Variants in DMD observed in about 807,000 individuals in gnomAD.
DMD encodes the protein mutant dystrophin.
A neutral mutation model predicts 330.1 loss-of-function variants in DMD; 63 were observed. The observed-to-expected ratio is 0.19, with a 90% CI of 0.16 to 0.24. DMD has a LOEUF of 0.24. Ranked by LOEUF, DMD falls within the 10% of genes least tolerant of loss-of-function variation. The probability of loss-of-function intolerance (pLI) is 1.00; values close to 1 mark genes in which losing one functional copy is unlikely to be tolerated. For synonymous variants in DMD, 1,223 were observed against 959.8 expected, an observed-to-expected ratio of 1.27 and a Z score of -5.07; for missense variants, 3,344 against 2,684.1, an observed-to-expected ratio of 1.25 and a Z score of -5.43.
Position 32,404,263 on chromosome X carries a change from C to T in DMD, c.4233+7489G>A, listed in dbSNP as rs191560941. On this transcript the variant is annotated intron_variant, in intron 30 of 78. Coordinates refer to ENST00000357033, the MANE Select transcript of DMD (RefSeq NM_004006.3). ...TCCCCTCTTTTCTAAATTGTACTCACATTGTTAATGGGAGGGAAAAAGAGA... is the reference window on the plus strand; with the variant it reads ...TCCCCTCTTTTCTAAATTGTACTCATATTGTTAATGGGAGGGAAAAAGAGA... Among the ~76,000 whole-genome samples, 3 of 111,713 alleles carry T rather than the reference C, an allele frequency of 2.7e-5. No individual in the cohort carries two copies. In the East Asian group the frequency reaches 8.4e-4, roughly 31 times the overall value.
At chrX:31,592,547 T>C (rs1280551013) in intron 55 of DMD, among the ~76,000 whole-genome samples, 1 of 108,681 alleles carries the variant, frequency 9.2e-6, no homozygotes, top group Admixed American at 1.0e-4. Flanking sequence ...CACAAAGACA[T>C]AATGGAATAA....
At chrX:31,298,003 G>C (rs1443372102) in intron 62 of DMD, among the ~76,000 whole-genome samples, 1 of 111,840 alleles carries the variant, frequency 8.9e-6, no homozygotes, top group Non-Finnish European at 1.9e-5. Context: ...ATGCATCCCT[G>C]ATTGAAAGCC....
At chrX:31,229,738 A>C (rs1448593042) in intron 63 of DMD, among the ~76,000 whole-genome samples, 2 of 111,971 alleles carry the variant, frequency 1.8e-5, no homozygotes, top group African/African-American at 6.5e-5. Flanking sequence ...TTTTCCCAAG[A>C]AGCCAAAACA....
chrX:32,821,578 A>G (rs1444998703), intron 5 of DMD, among the ~76,000 whole-genome samples: 1 of 108,918 alleles, frequency 9.2e-6, no homozygotes, highest in African/African-American at 3.4e-5. Flanking sequence ...ACAGAGCAAG[A>G]CTCTGTCTCA....
chrX:31,442,630 C>T (rs969385702), intron 60 of DMD, among the ~76,000 whole-genome samples: 1 of 111,148 alleles, frequency 9.0e-6, no homozygotes, highest in Non-Finnish European at 1.9e-5. Context: ...TCTTTTACCA[C>T]GTTCTGAAAG....
chrX:32,359,593 C>T (rs1321258585), intron 37 of DMD, among the ~76,000 whole-genome samples: 1 of 111,448 alleles, frequency 9.0e-6, no homozygotes, highest in Non-Finnish European at 1.9e-5. Context: ...CTAAAACCTC[C>T]AGCACTTCAG....
At chrX:31,667,727 C>G (rs1190390492) in intron 53 of DMD, among the ~76,000 whole-genome samples, 2 of 109,904 alleles carry the variant, frequency 1.8e-5, no homozygotes, top group African/African-American at 6.6e-5. Context: ...GCCAGGTACC[C>G]CAATGTGACT....
intron 44 of DMD, among the ~76,000 whole-genome samples, chrX:32,021,107 C>T (rs1278169716): frequency 1.8e-5 from 2 of 112,244 alleles, no homozygotes; most frequent in African/African-American, 6.5e-5. Context: ...AAAACATATA[C>T]AAGAACACAT....
At chrX:32,382,180 A>T (rs2097928788) in intron 33 of DMD, among the ~76,000 whole-genome samples, 2 of 111,638 alleles carry the variant, frequency 1.8e-5, no homozygotes, top group Admixed American at 1.9e-4. Flanking sequence ...TTACAGGTAA[A>T]TAAAACATGG....
chrX:32,022,610 A>G (rs2095814043), intron 44 of DMD, among the ~76,000 whole-genome samples: 1 of 112,049 alleles, frequency 8.9e-6, no homozygotes, highest in East Asian at 2.8e-4. Context: ...TTGACACTGG[A>G]AGAGAAACGT....
intron 51 of DMD, among the ~76,000 whole-genome samples, chrX:31,761,225 G>A (rs780041700): frequency 8.1e-5 from 9 of 110,455 alleles, no homozygotes; most frequent in African/African-American, 3.0e-4. Flanking sequence ...CCATTTTAAC[G>A]GCACAAAACA....
intron 2 of DMD, among the ~76,000 whole-genome samples, chrX:32,931,325 G>C (rs1186090287): frequency 2.7e-5 from 3 of 111,364 alleles, no homozygotes; most frequent in Non-Finnish European, 5.7e-5. Flanking sequence ...ACTGTATTCT[G>C]TAATTGCTAG....
At chrX:33,088,409 G>A (rs1041720185) in intron 1 of DMD, among the ~76,000 whole-genome samples, 9 of 112,287 alleles carry the variant, frequency 8.0e-5, no homozygotes, top group African/African-American at 2.3e-4. Flanking sequence ...CATGAAGGCT[G>A]TGAAGTTATT....
chrX:32,078,655 C>A (rs2096370370), intron 44 of DMD, among the ~76,000 whole-genome samples: 5 of 111,955 alleles, frequency 4.5e-5, no homozygotes, highest in Admixed American at 1.9e-4. Context: ...TAGTGGTACT[C>A]CTGCCTAGAA....
chrX:33,169,579 T>C (rs1455159262), intron 1 of DMD, among the ~76,000 whole-genome samples: 1 of 112,082 alleles, frequency 8.9e-6, no homozygotes, highest in Non-Finnish European at 1.9e-5. Context: ...ATTAATGTTC[T>C]CTCAAAATAT....
Position 32,996,814 on chromosome X carries a change from C to CAAA in DMD, c.93+23322_93+23324dup, listed in dbSNP as rs765407106. 0.02 allele frequency among the ~76,000 whole-genome samples: 1,630 copies of CAAA among 81,714 alleles called. 90 individuals carry two copies. In the East Asian group the frequency reaches 0.21, roughly 11 times the overall value. 71.0% of individuals were successfully genotyped at this position (81,714 alleles called of 115,157 possible). A position where few individuals can be genotyped will look rare whatever the true frequency, so the allele number is the denominator to read the frequency against. ...CTTGGGCGACAGAGCAAGACTGTTT[C>CAAA]AAAAAAAAAAAAAAACTAGCTTGCA... On this transcript the variant is annotated intron_variant, in intron 2 of 78. Transcript: ENST00000357033.
At chrX:31,213,043 G>A (rs1355791101) in intron 64 of DMD, among the ~76,000 whole-genome samples, 2 of 112,628 alleles carry the variant, frequency 1.8e-5, no homozygotes, top group East Asian at 5.6e-4. Flanking sequence ...AATGGTGGAA[G>A]AACTGCTGTA....
At chrX:32,595,625 T>C (rs980637196) in intron 13 of DMD, 132 bp downstream of exon 13, 6 of 601,076 alleles carry the variant, frequency 1.0e-5, no homozygotes, top group African/African-American at 6.8e-5. Flanking sequence ...TGATTATGAG[T>C]GTGTGTATAT....
rs58903799 is a variant in DMD, at chrX:31,822,653, G to GGGGTGTGTGT, written c.7201-2571_7201-2570insACACACACCC. Among the ~76,000 whole-genome samples, 17 of 65,809 alleles carry GGGGTGTGTGT rather than the reference G, an allele frequency of 2.6e-4. 1 individual carries two copies. The highest frequency in any genetic ancestry group is 4.6e-4 in the Admixed American group (2 of 4,384). The allele number at this position is 65,809 out of a possible 115,157, so 57.1% of individuals were successfully genotyped here. A position where few individuals can be genotyped will look rare whatever the true frequency, so the allele number is the denominator to read the frequency against. On this transcript the variant is annotated intron_variant, in intron 49 of 78. Coordinates refer to ENST00000357033, the MANE Select transcript of DMD (RefSeq NM_004006.3). ...TTGGCCATACAGAAAAAGGCAGAGG[G>GGGGTGTGTGT]GTGTGTGTGTGTGTGTGTGTGTGTG... is the stretch of plus-strand genomic sequence containing the variant.
Sources: gnomAD v4.1 joint callset for allele counts (sites outside exome capture counted in the v4.1 genomes callset) on GRCh38, gnomAD v4.1.1 for gene constraint, MANE v1.5 for transcripts, NCBI Gene and HGNC (gene_info 2026-07-23, HGNC 2026-07-21) for gene names.